Variants in CTDSPL2 observed in about 807,000 individuals in gnomAD.
CTDSPL2 encodes the protein CTD small phosphatase-like protein 2.
A neutral mutation model predicts 60.0 loss-of-function variants in CTDSPL2; 5 were observed. The ratio of observed to expected loss-of-function variants is 0.08; its 90% CI spans 0.04 to 0.18. CTDSPL2 has a LOEUF of 0.18. CTDSPL2 is among the 10% of genes least tolerant of loss of function. The pLI, the probability that CTDSPL2 is intolerant of heterozygous loss-of-function variation, is 1.00. For synonymous variants in CTDSPL2, 186 were observed against 189.3 expected, an observed-to-expected ratio of 0.98 and a Z score of 0.14; for missense variants, 370 against 548.8, an observed-to-expected ratio of 0.67 and a Z score of 3.26.
intron 8 of CTDSPL2, among the ~76,000 whole-genome samples, chr15:44,506,352 AATATAAATC>A (rs890467024): frequency 6.6e-6 from 1 of 151,016 alleles, no homozygotes; most frequent in Non-Finnish European, 1.5e-5. Flanking sequence ...GGTAACTTTT[AATATAAATC>A]ATATAAATCA....
chr15:44,454,203 T>C lies in CTDSPL2; in HGVS notation c.-24-4788T>C, dbSNP rs554840526. ...CAGTGATGATGAGCATTTTTTCATG[T>C]GTCTGTTGGCTTCATAAATGTCTTC... is the stretch of plus-strand genomic sequence containing the variant. On this transcript the variant is annotated intron_variant, in intron 1 of 12. Coordinates refer to ENST00000260327, the MANE Select transcript of CTDSPL2 (RefSeq NM_016396.3). Among the ~76,000 whole-genome samples, 205 of 152,370 alleles carry C rather than the reference T, an allele frequency of 1.3e-3. 2 individuals are homozygous for C. The highest frequency in any genetic ancestry group is 2.9e-3 in the South Asian group (14 of 4,830).
At chr15:44,478,518 T>G (rs2080966517) in intron 2 of CTDSPL2, among the ~76,000 whole-genome samples, 1 of 150,400 alleles carries the variant, frequency 6.6e-6, no homozygotes. Flanking sequence ...CTTTTGCATG[T>G]TGATAACAGT....
At chr15:44,503,057 T>C (rs1057290965) in intron 8 of CTDSPL2, among the ~76,000 whole-genome samples, 4 of 152,156 alleles carry the variant, frequency 2.6e-5, no homozygotes, top group African/African-American at 9.6e-5. Flanking sequence ...AAATTAAAAT[T>C]TGATGTATGT....
chr15:44,487,384 G>T (rs2140794524), intron 4 of CTDSPL2, among the ~76,000 whole-genome samples: 1 of 152,286 alleles, frequency 6.6e-6, no homozygotes, highest in African/African-American at 2.4e-5. Context: ...CAATCCAGCA[G>T]TTTGAACCCA....
intron 8 of CTDSPL2, among the ~76,000 whole-genome samples, chr15:44,508,467 A>G (rs528681078): frequency 9.9e-5 from 15 of 152,188 alleles, no homozygotes; most frequent in Non-Finnish European, 1.9e-4. Flanking sequence ...TAATTAAATA[A>G]GAAATAGCAC....
chr15:44,445,443 G>A (rs1360986847), intron 1 of CTDSPL2, among the ~76,000 whole-genome samples: 1 of 151,918 alleles, frequency 6.6e-6, no homozygotes, highest in Non-Finnish European at 1.5e-5. Context: ...ACCTGACTTG[G>A]CCTCCCAAAG....
At chr15:44,521,067 T>C (rs886340935) in intron 11 of CTDSPL2, 8 of 223,608 alleles carry the variant, frequency 3.6e-5, no homozygotes, top group Middle Eastern at 1.6e-3. Context: ...TTAATGGAAC[T>C]TTCTTGTTTA....
At position 44,446,233 on chromosome 15, in the gene CTDSPL2, C is replaced by T. The variant is rs566332194; in HGVS notation, c.-24-12758C>T. Among the ~76,000 whole-genome samples, 40 of 151,800 alleles carry T rather than the reference C, an allele frequency of 2.6e-4. No individual in the cohort carries two copies. In the South Asian group the frequency reaches 4.3e-3, roughly 16 times the overall value. On this transcript the variant is annotated intron_variant, in intron 1 of 12. Coordinates refer to ENST00000260327, the MANE Select transcript of CTDSPL2 (RefSeq NM_016396.3). ...ACCACCATGCCCTGCCATAAACTTA[C>T]AGCTTTTACAGGTTAATTTTATCTT...
intron 10 of CTDSPL2, among the ~76,000 whole-genome samples, chr15:44,518,217 A>T (rs764401463): frequency 5.9e-5 from 9 of 152,204 alleles, no homozygotes; most frequent in Non-Finnish European, 1.3e-4. Context: ...TGTGATTAAG[A>T]CACAAGGAAG....
At chr15:44,515,982 TTTTC>T (rs2081647295) in intron 10 of CTDSPL2, among the ~76,000 whole-genome samples, 1 of 149,604 alleles carries the variant, frequency 6.7e-6, no homozygotes, top group Non-Finnish European at 1.5e-5. Flanking sequence ...CTTTCTTTCT[TTTTC>T]TTTTTTTTTT....
intron 1 of CTDSPL2, among the ~76,000 whole-genome samples, chr15:44,440,171 AGTT>A (rs1350999134): frequency 6.6e-6 from 1 of 150,466 alleles, no homozygotes; most frequent in Non-Finnish European, 1.5e-5. Flanking sequence ...ACAGGCATAA[AGTT>A]GTTTTTTTGT....
At chr15:44,439,154 TA>T (rs1375226005) in intron 1 of CTDSPL2, among the ~76,000 whole-genome samples, 2 of 151,386 alleles carry the variant, frequency 1.3e-5, no homozygotes, top group Admixed American at 1.3e-4. Flanking sequence ...GTTATTTATT[TA>T]TTTATTTTTT....
rs1293251908 is a variant in CTDSPL2, at chr15:44,486,607, G to A, written c.382G>A (p.Asp128Asn). Reference protein sequence around the residue: ...QHVKQNGKLEDNPSSGSPPRT... With the variant: ...QHVKQNGKLENNPSSGSPPRT... ...TGTAAAACAAAATGGAAAATTAGAAGATAATCCTTCCTCTGGCAGTCCTCC... is the reference window on the plus strand; with the variant it reads ...TGTAAAACAAAATGGAAAATTAGAAAATAATCCTTCCTCTGGCAGTCCTCC... The change falls in exon 4 of 13, where the codon GAT becomes AAT. Residue 128 changes from aspartate (D) to asparagine (N), a missense_variant. Physicochemically the swap from Asp to Asn is conservative, Grantham distance 23. Around this residue, in one of 6 missense-constraint regions of CTDSPL2, gnomAD observed 287 missense variants for 296.1 expected, o/e 0.97. Coordinates refer to ENST00000260327, the MANE Select transcript of CTDSPL2 (RefSeq NM_016396.3). The A allele has an allele frequency of 6.3e-7, 1 of 1,593,516 alleles. No homozygotes were observed. Among genetic ancestry groups the A allele is most frequent in the Non-Finnish European group, 8.5e-7 (1 of 1,170,572 alleles).
At chr15:44,511,920 T>G (rs1179849543) in intron 8 of CTDSPL2, among the ~76,000 whole-genome samples, 1 of 142,004 alleles carries the variant, frequency 7.0e-6, no homozygotes, top group Non-Finnish European at 1.5e-5. Flanking sequence ...TCGGGTGTGA[T>G]GGGTCATGCC....
chr15:44,501,377 A>G (rs1435697838), intron 8 of CTDSPL2, among the ~76,000 whole-genome samples: 3 of 152,232 alleles, frequency 2.0e-5, no homozygotes, highest in African/African-American at 7.2e-5. Flanking sequence ...TGAATAAGAA[A>G]CTTAAGTAGG....
At chr15:44,448,137 C>A in intron 1 of CTDSPL2, 1 of 261,234 alleles carries the variant, frequency 3.8e-6, no homozygotes, top group Non-Finnish European at 7.9e-6. Context: ...CCATGCACTC[C>A]ACACCAGAGC....
intron 1 of CTDSPL2, among the ~76,000 whole-genome samples, chr15:44,456,572 T>C (rs2080445167): frequency 6.6e-6 from 1 of 152,252 alleles, no homozygotes; most frequent in South Asian, 2.1e-4. Flanking sequence ...TTTGTATTTC[T>C]GTGGAATCAG....
intron 1 of CTDSPL2, chr15:44,449,186 G>C: frequency 3.5e-6 from 1 of 288,712 alleles, no homozygotes; most frequent in Non-Finnish European, 7.1e-6. Context: ...TTCCACCAGT[G>C]GTAGCCATCA....
chr15:44,455,457 G>T (rs2080415195), intron 1 of CTDSPL2, among the ~76,000 whole-genome samples: 3 of 152,126 alleles, frequency 2.0e-5, no homozygotes, highest in Admixed American at 2.0e-4. Flanking sequence ...CCAACACTAT[G>T]TTGAATAGGA....
Sources: gnomAD v4.1 joint callset for allele counts (sites outside exome capture counted in the v4.1 genomes callset) on GRCh38, gnomAD v4.1.1 for gene constraint, gnomAD v4.1.1 regional missense constraint, MANE v1.5 for transcripts, NCBI Gene and HGNC (gene_info 2026-07-23, HGNC 2026-07-21) for gene names.